TMEM40: variants seen among roughly 807,000 people sequenced by gnomAD.
TMEM40 encodes transmembrane protein 40.
A neutral mutation model predicts 40.8 loss-of-function variants in TMEM40; 34 were observed. The observed-to-expected ratio is 0.83, with a 90% CI of 0.63 to 1.11. The LOEUF (loss-of-function observed/expected upper bound fraction) is 1.11. Among genes scored for constraint, TMEM40 ranks in the 50% least tolerant of loss-of-function variants. The pLI, the probability that TMEM40 is intolerant of heterozygous loss-of-function variation, is 0.00. For synonymous variants in TMEM40, 106 were observed against 107.0 expected (o/e 0.99, Z 0.06); for missense variants, 296 against 280.2 (o/e 1.06, Z -0.40).
At chr3:12,758,535 T>A (rs1369679381) in intron 1 of TMEM40, among the ~76,000 whole-genome samples, 1 of 152,052 alleles carries the variant, frequency 6.6e-6, no homozygotes, top group African/African-American at 2.4e-5. Context: ...CCCCCTCCCC[T>A]TGGGCCACAC....
chr3:12,736,738 G>A lies in TMEM40; in HGVS notation c.544+26C>T. The A allele has an allele frequency of 1.9e-6, 3 of 1,613,938 alleles. No individual in the cohort carries two copies. The East Asian group carries it at 6.7e-5, about 36-fold the overall frequency. On this transcript the variant is annotated intron_variant, in intron 9 of 11. Transcript: ENST00000314124. ...CACCACCCCATGCCATCCCCCTTGT[G>A]CATTCCCCAGGGCACCTCCCCTCAC...
intron 1 of TMEM40, among the ~76,000 whole-genome samples, chr3:12,756,254 T>C (rs1248600590): frequency 2.0e-5 from 3 of 152,202 alleles, no homozygotes; most frequent in East Asian, 3.8e-4. Flanking sequence ...CCATTGGTGA[T>C]TGAAATTCAT....
At chr3:12,748,889 G>T in intron 2 of TMEM40, 97 bp from the exon 3 acceptor site, 3 of 1,103,226 alleles carry the variant, frequency 2.7e-6, no homozygotes, top group Non-Finnish European at 4.0e-6. Context: ...GATTTGGAGA[G>T]CCAGGAAGGA....
intron 1 of TMEM40, among the ~76,000 whole-genome samples, chr3:12,768,929 CGGGGCGGGGGG>C (rs2061608259): frequency 1.3e-5 from 1 of 79,594 alleles, no homozygotes; most frequent in Non-Finnish European, 2.6e-5. Flanking sequence ...GGGGCCGGGG[CGGGGCGGGGGG>C]GGCGGGGGGG....
intron 1 of TMEM40, among the ~76,000 whole-genome samples, chr3:12,750,478 A>T (rs1310811230): frequency 6.6e-6 from 1 of 152,146 alleles, no homozygotes; most frequent in African/African-American, 2.4e-5. Context: ...ATGTGCTATG[A>T]GTCTCTGTTA....
At chr3:12,755,236 T>TC (rs71063873) in intron 1 of TMEM40, among the ~76,000 whole-genome samples, 76 of 53,464 alleles carry the variant, frequency 1.4e-3, no homozygotes, top group Non-Finnish European at 1.6e-3. Context: ...TCTCTCTCTC[T>TC]TTCTTTCTTT....
chr3:12,746,989 A>G (rs1392996222), intron 3 of TMEM40, among the ~76,000 whole-genome samples: 1 of 152,048 alleles, frequency 6.6e-6, no homozygotes, highest in Non-Finnish European at 1.5e-5. Context: ...AACCTCATAC[A>G]TGGTGGGCTT....
At chr3:12,745,928 C>A (rs1042624213) in intron 3 of TMEM40, among the ~76,000 whole-genome samples, 1 of 151,192 alleles carries the variant, frequency 6.6e-6, no homozygotes, top group African/African-American at 2.4e-5. Flanking sequence ...AACGGAGTCT[C>A]ACTCTGTCAC....
At position 12,768,867 on chromosome 3, in the gene TMEM40, G is replaced by C. The variant is rs1301211401; in HGVS notation, c.-9+384C>G. On this transcript the variant is annotated intron_variant, in intron 1 of 11. Coordinates refer to the TMEM40 transcript ENST00000264728. ...GGGGCAGCGCTCATTGGGGAGGCTC[G>C]GCCCTGCAGGAGCCCATGGCGGGGC... 6.1e-5 allele frequency among the ~76,000 whole-genome samples: 9 copies of C among 148,716 alleles called. No individual in the cohort carries two copies. The East Asian group carries it at 8.1e-4, about 13-fold the overall frequency.
intron 1 of TMEM40, among the ~76,000 whole-genome samples, chr3:12,751,825 G>C (rs1302570301): frequency 6.7e-6 from 1 of 149,178 alleles, no homozygotes. Context: ...GAGCCACGTG[G>C]GGGAAAGAGA....
At position 12,742,488 on chromosome 3, in the gene TMEM40, A is replaced by C. The variant is rs2061391503; in HGVS notation, c.321T>G (p.Pro107=). 1.9e-6 allele frequency: 3 copies of C among 1,613,846 alleles called. No individual in the cohort carries two copies. The highest frequency in any genetic ancestry group is 2.5e-6 in the Non-Finnish European group (3 of 1,179,924). Residue 107 remains proline, a synonymous_variant, in exon 5 of 12, where the codon CCT becomes CCG. Coordinates refer to ENST00000314124, the MANE Select transcript of TMEM40 (RefSeq NM_018306.4). ...NGSPGPGHGE[P]DVLKDELQLY... is the part of the protein sequence containing the mutation. Reference sequence around the variant, plus strand: ...GTTGAAGCTCATCCTTCAAAACGTCAGGCTCCCCATGCCCAGGACCTGGAT... The same window carrying C: ...GTTGAAGCTCATCCTTCAAAACGTCCGGCTCCCCATGCCCAGGACCTGGAT...
At chr3:12,764,143 A>G (rs2061584526), upstream of TMEM40, among the ~76,000 whole-genome samples, 1 of 151,842 alleles carries the variant, frequency 6.6e-6, no homozygotes, top group South Asian at 2.1e-4. Flanking sequence ...TGAACTCCTG[A>G]CCTCAGATAA....
chr3:12,738,671 C>A lies in TMEM40; in HGVS notation c.356-83G>T, dbSNP rs1328969900. The A allele has an allele frequency of 3.5e-6, 5 of 1,447,466 alleles. No individual in the cohort carries two copies. In the African/African-American group the frequency reaches 5.6e-5, roughly 16 times the overall value. 89.7% of individuals were successfully genotyped at this position (1,447,466 alleles called of 1,614,324 possible). On this transcript the variant is annotated intron_variant, in intron 5 of 11. Transcript: ENST00000314124. ...CATGCTTCAGGGAAGGTGGATCCTG[C>A]TCGGAGACTTCCCACTTAATCTGGA...
intron 1 of TMEM40, among the ~76,000 whole-genome samples, chr3:12,766,288 A>G (rs1037717097): frequency 6.6e-6 from 1 of 152,110 alleles, no homozygotes; most frequent in Non-Finnish European, 1.5e-5. Flanking sequence ...ATTATGAATA[A>G]AACTGCTATA....
At chr3:12,753,410 G>A (rs575827200) in intron 1 of TMEM40, among the ~76,000 whole-genome samples, 2 of 151,730 alleles carry the variant, frequency 1.3e-5, no homozygotes, top group South Asian at 4.2e-4. Context: ...TTTTTGTAGA[G>A]ATAGGGTCTC....
In TMEM40 at chr3:12,743,941, C is replaced by T. The variant is rs756019404; in HGVS notation, c.260G>A (p.Arg87Gln). 7.3e-5 allele frequency: 117 copies of T among 1,613,376 alleles called. No individual in the cohort carries two copies. The highest frequency in any genetic ancestry group is 1.1e-4 in the East Asian group (5 of 44,886). The part of the protein sequence containing the change: ...QQPRATGKHR[R>Q]SLGAGYPHGN... ...GTGGGGGTATCCAGCCCCCAGGCTC[C>T]GTCGATGTTTTCCGGTTGCTCTGGG... Residue 87 changes from arginine (R) to glutamine (Q), a missense_variant, in exon 4 of 12, where the codon CGG (arginine) becomes CAG (glutamine). By Grantham distance (43) the Arg-to-Gln change is conservative. Coordinates refer to ENST00000314124, the MANE Select transcript of TMEM40 (RefSeq NM_018306.4).
chr3:12,739,662 C>T (rs1408740783), intron 5 of TMEM40, among the ~76,000 whole-genome samples: 2 of 151,658 alleles, frequency 1.3e-5, no homozygotes, highest in Non-Finnish European at 2.9e-5. Context: ...CTCAAGCAAT[C>T]CTCCCACCTT....
intron 1 of TMEM40, among the ~76,000 whole-genome samples, chr3:12,754,448 A>T (rs998235784): frequency 6.4e-4 from 98 of 152,364 alleles, no homozygotes; most frequent in African/African-American, 2.1e-3. Flanking sequence ...AAAATAGTGC[A>T]AGCATCTAGG....
At chr3:12,752,680 C>T (rs2061487733) in intron 1 of TMEM40, among the ~76,000 whole-genome samples, 1 of 152,002 alleles carries the variant, frequency 6.6e-6, no homozygotes, top group Non-Finnish European at 1.5e-5. Flanking sequence ...GGCCTGTAAT[C>T]CCAGCTACTC....
Sources: allele counts gnomAD v4.1 joint callset (sites outside exome capture counted in the v4.1 genomes callset), GRCh38; gene constraint gnomAD v4.1.1; transcripts MANE v1.5; gene names NCBI Gene and HGNC (gene_info 2026-07-23, HGNC 2026-07-21).